AFF1: variants seen among roughly 807,000 people sequenced by gnomAD.
AFF1 encodes AF4/FMR2 family member 1.
A neutral mutation model predicts 121.7 loss-of-function variants in AFF1; 48 were observed. The ratio of observed to expected loss-of-function variants is 0.39; its 90% confidence interval spans 0.31 to 0.50. The LOEUF (loss-of-function observed/expected upper bound fraction) is 0.50. AFF1 is among the 20% of genes least tolerant of loss of function. The probability of loss-of-function intolerance (pLI) is 0.76; values close to 1 mark genes in which losing one functional copy is unlikely to be tolerated. For synonymous variants in AFF1, 613 were observed against 563.0 expected, an observed-to-expected ratio of 1.09 and a Z score of -1.26; for missense variants, 1,523 against 1,511.7, an observed-to-expected ratio of 1.01 and a Z score of -0.12.
intron 2 of AFF1, among the ~76,000 whole-genome samples, chr4:87,000,161 G>A (rs1365876475): frequency 1.3e-5 from 2 of 152,172 alleles, no homozygotes; most frequent in African/African-American, 4.8e-5. Flanking sequence ...AATAAATGGA[G>A]AAGAGGCAAA....
At chr4:87,135,504 A>G (rs775275106) in intron 20 of AFF1, 76 bp from the exon 21 acceptor site, 10 of 1,425,122 alleles carry the variant, frequency 7.0e-6, no homozygotes, top group Non-Finnish European at 8.4e-6. Context: ...TGGAACCTTG[A>G]ATTTTTGTTT....
At chr4:87,121,577 G>A (rs1196506834) in intron 12 of AFF1, among the ~76,000 whole-genome samples, 1 of 151,284 alleles carries the variant, frequency 6.6e-6, no homozygotes, top group Non-Finnish European at 1.5e-5. Context: ...TAAGTGCATA[G>A]TGTACAAAAA....
chr4:87,016,216 A>C (rs892657825), intron 2 of AFF1, among the ~76,000 whole-genome samples: 1 of 151,538 alleles, frequency 6.6e-6, no homozygotes, highest in Non-Finnish European at 1.5e-5. Flanking sequence ...GAAGAGGGGA[A>C]TAGTTAAATT....
chr4:87,134,195 T>TA (rs1223059519), intron 19 of AFF1, among the ~76,000 whole-genome samples: 1 of 152,154 alleles, frequency 6.6e-6, no homozygotes, highest in Non-Finnish European at 1.5e-5. Context: ...TACCTACATA[T>TA]GCATACATTA....
intron 2 of AFF1, chr4:87,007,467 GAGGGGAGCTGAAGGTTGC>G (rs1560534989): frequency 1.2e-6 from 2 of 1,613,682 alleles, no homozygotes; most frequent in Non-Finnish European, 1.7e-6. Context: ...CGTTCGTGGC[GAGGGGAGCTGAAGGTTGC>G]GGGGGAGGGC....
rs1365036322 is a variant in AFF1 at position 86,948,558 on chromosome 4, A to G, written c.25A>G (p.Ser9Gly). 2.3e-5 allele frequency: 36 copies of G among 1,536,872 alleles called. No individual in the cohort carries two copies. The highest frequency in any genetic ancestry group is 3.1e-5 in the Non-Finnish European group (35 of 1,146,718). Reference sequence around the variant, plus strand: ...AATGGCATTTACAGAAAGAGTCAACAGCAGTGGCAACAGGTAAGCATAGAA... The same window carrying G: ...AATGGCATTTACAGAAAGAGTCAACGGCAGTGGCAACAGGTAAGCATAGAA... MAFTERVN[S>G]SGNSLYNDDR... The change falls in exon 2 of 21, where the codon AGC (serine) becomes GGC (glycine). Residue 9 changes from serine (S) to glycine (G), a missense_variant. Ser to Gly is a moderately conservative substitution (Grantham distance 56, BLOSUM62 0). Transcript: ENST00000395146.
intron 14 of AFF1, among the ~76,000 whole-genome samples, chr4:87,126,782 T>C (rs1038188065): frequency 3.9e-5 from 6 of 152,184 alleles, no homozygotes; most frequent in African/African-American, 1.4e-4. Context: ...GAAAGTGTTA[T>C]GTGTGGCTTT....
intron 1 of AFF1, among the ~76,000 whole-genome samples, chr4:86,943,631 C>G (rs1316282523): frequency 6.6e-6 from 1 of 152,124 alleles, no homozygotes; most frequent in Non-Finnish European, 1.5e-5. Context: ...TCGGGACCAG[C>G]CTGGGCAACA....
chr4:87,087,095 C>G (rs1021138000), intron 5 of AFF1, among the ~76,000 whole-genome samples: 2 of 152,202 alleles, frequency 1.3e-5, no homozygotes, highest in Non-Finnish European at 2.9e-5. Context: ...ACAGGCAAGC[C>G]TGGCCTCCAC....
At chr4:87,020,484 G>C (rs1045294474) in intron 2 of AFF1, among the ~76,000 whole-genome samples, 1 of 151,868 alleles carries the variant, frequency 6.6e-6, no homozygotes, top group Non-Finnish European at 1.5e-5. Context: ...CCATGTTTTT[G>C]TTTTGTTTTG....
intron 4 of AFF1, among the ~76,000 whole-genome samples, chr4:87,068,257 G>GGCCC (rs1721585457): frequency 1.7e-5 from 2 of 120,196 alleles, no homozygotes; most frequent in Non-Finnish European, 1.7e-5. Flanking sequence ...CATGAAAATT[G>GGCCC]CCCCCCCCCC....
chr4:87,039,350 G>A (rs1482991474), intron 2 of AFF1, among the ~76,000 whole-genome samples: 1 of 152,218 alleles, frequency 6.6e-6, no homozygotes, highest in Non-Finnish European at 1.5e-5. Flanking sequence ...GCATGGGGTT[G>A]ACTAAATGAC....
At chr4:86,935,553 A>C in intron 1 of AFF1, 1 of 150,296 alleles carries the variant, frequency 6.7e-6, no homozygotes, top group East Asian at 2.0e-4. Context: ...TTGCCTGTGC[A>C]CCCCGCGTTT....
At chr4:86,969,668 C>T (rs959798559) in intron 2 of AFF1, among the ~76,000 whole-genome samples, 3 of 150,474 alleles carry the variant, frequency 2.0e-5, no homozygotes, top group South Asian at 2.1e-4. Context: ...ATCACGAGGT[C>T]GGGAGATCGA....
At chr4:86,971,445 G>T (rs1722940405) in intron 2 of AFF1, among the ~76,000 whole-genome samples, 1 of 152,184 alleles carries the variant, frequency 6.6e-6, no homozygotes, top group Non-Finnish European at 1.5e-5. Flanking sequence ...CCATAACAAG[G>T]TGGGAATGCA....
Position 86,958,091 on chromosome 4 carries a change from C to CT in AFF1, c.38+9539dup, listed in dbSNP as rs36035943. On this transcript the variant is annotated intron_variant, in intron 2 of 20. Transcript: ENST00000395146. ...TCTCTGAACTTTTTCTTTTTTTTTC[C>CT]TTTTTTTTTTTTTTTTTTTGAAACG... is the stretch of plus-strand genomic sequence containing the variant. Among the ~76,000 whole-genome samples, 138 of 107,100 alleles carry CT rather than the reference C, an allele frequency of 1.3e-3. 1 individual carries two copies. The highest frequency in any genetic ancestry group is 9.2e-3 in the South Asian group (29 of 3,166). The allele number at this position is 107,100 out of a possible 152,430, so 70.3% of individuals were successfully genotyped here.
chr4:86,962,145 C>CTTTTTTTTTTT (rs3035474), intron 2 of AFF1, among the ~76,000 whole-genome samples: 15 of 122,580 alleles, frequency 1.2e-4, no homozygotes, highest in Non-Finnish European at 2.1e-4. Flanking sequence ...GTTATTGTTT[C>CTTTTTTTTTTT]TTTTTTTTTT....
chr4:87,049,740 C>G (rs927449439), intron 4 of AFF1: 1 of 456,176 alleles, frequency 2.2e-6, no homozygotes, highest in Non-Finnish European at 4.4e-6. Flanking sequence ...TACCAACTGC[C>G]TGGGAGCCCC....
rs1727517272 is a variant in AFF1, at chr4:87,119,951, CT to C, written c.2466+4656del. Among the ~76,000 whole-genome samples the C allele has an allele frequency of 2.6e-5, 4 of 152,298 alleles. No individual in the cohort carries two copies. The South Asian group carries it at 8.3e-4, about 32-fold the overall frequency. On this transcript the variant is annotated intron_variant, in intron 12 of 20. Coordinates refer to ENST00000395146, the MANE Select transcript of AFF1 (RefSeq NM_001166693.3). ...TCCCTTCCATCCAAGATCTGACTGT[CT>C]TTTCTTGGGTTATTGCTCCAGATCA...
Sources: allele counts gnomAD v4.1 joint callset (sites outside exome capture counted in the v4.1 genomes callset), GRCh38; gene constraint gnomAD v4.1.1; transcripts MANE v1.5; gene names NCBI Gene and HGNC (gene_info 2026-07-23, HGNC 2026-07-21).